Variants in TMEM47 observed in about 807,000 individuals in gnomAD.
TMEM47 encodes transmembrane protein 47.
Under a neutral mutation model 12.4 loss-of-function variants are expected in TMEM47, and 3 were observed. The observed-to-expected ratio is 0.24, with a 90% confidence interval of 0.11 to 0.63. The LOEUF (loss-of-function observed/expected upper bound fraction) is 0.63. TMEM47 is among the 20% of genes least tolerant of loss of function. TMEM47 has a pLI of 0.86. For missense variants in TMEM47, 89 were observed against 143.8 expected (o/e 0.62, Z 1.95); for synonymous variants, 62 against 63.3 (o/e 0.98, Z 0.10).
intron 1 of TMEM47, among the ~76,000 whole-genome samples, chrX:34,656,298 T>C (rs183306850): frequency 1.8e-5 from 2 of 110,523 alleles, no homozygotes; most frequent in Non-Finnish European, 3.8e-5. Flanking sequence ...AATACATTGG[T>C]GAAAACGCAG....
At chrX:34,644,328 G>T (rs1921871405) in intron 1 of TMEM47, among the ~76,000 whole-genome samples, 1 of 111,979 alleles carries the variant, frequency 8.9e-6, no homozygotes, top group African/African-American at 3.2e-5. Flanking sequence ...TTTTAGCATT[G>T]TAACATATGA....
chrX:34,630,202 C>T lies in TMEM47; in HGVS notation c.*111G>A, dbSNP rs1339684474. 1.2e-6 allele frequency: 1 copy of T among 812,213 alleles called. No homozygotes were observed. The highest frequency in any genetic ancestry group is 3.5e-5 in the Admixed American group (1 of 28,175). 66.9% of individuals were successfully genotyped at this position (812,213 alleles called of 1,213,427 possible). On this transcript the variant is annotated 3_prime_UTR_variant, in exon 3 of 3. Coordinates refer to ENST00000275954, the MANE Select transcript of TMEM47 (RefSeq NM_031442.4). Reference sequence around the variant, plus strand: ...GGCAAAAAAGATTAAATCAACTGAGCAAACTGCTTGATGCTCCACAAGTGT... The same window carrying T: ...GGCAAAAAAGATTAAATCAACTGAGTAAACTGCTTGATGCTCCACAAGTGT...
intron 2 of TMEM47, among the ~76,000 whole-genome samples, chrX:34,637,599 T>C (rs754535648): frequency 9.0e-5 from 10 of 111,387 alleles, no homozygotes; most frequent in Admixed American, 9.6e-5. Context: ...AAAAGAGAAA[T>C]TGCTTAAAAA....
chrX:34,644,174 C>A (rs1329791612), intron 1 of TMEM47, among the ~76,000 whole-genome samples: 2 of 111,734 alleles, frequency 1.8e-5, no homozygotes, highest in African/African-American at 6.5e-5. Context: ...ATCGGGCAGT[C>A]CCTATACTAC....
At position 34,652,268 on chromosome X, in the gene TMEM47, G is replaced by A. The variant is rs899712165; in HGVS notation, c.226+4536C>T. Among the ~76,000 whole-genome samples the A allele has an allele frequency of 6.3e-5, 7 of 111,989 alleles. No individual in the cohort carries two copies. The South Asian group carries it at 1.9e-3, about 30-fold the overall frequency. On this transcript the variant is annotated intron_variant, in intron 1 of 2. Coordinates refer to ENST00000275954, the MANE Select transcript of TMEM47 (RefSeq NM_031442.4). ...CTCAGAACCAGAAGTGGTTCAGAGA[G>A]CTCCCTGCTGTGGTATTTAGGTTAG... is the stretch of plus-strand genomic sequence containing the variant.
chrX:34,628,118 C>A lies in TMEM47; in HGVS notation c.*2195G>T, dbSNP rs2147135276. ...ATGTGATGATATTGGTTTAACAGTA[C>A]ACTGCATCCTCTACTAGGACCAAGA... On this transcript the variant is annotated 3_prime_UTR_variant, in exon 3 of 3. Coordinates refer to ENST00000275954, the MANE Select transcript of TMEM47 (RefSeq NM_031442.4). 8.9e-6 allele frequency: 1 copy of A among 111,806 alleles called. No individual in the cohort carries two copies. The highest frequency in any genetic ancestry group is 2.8e-4 in the East Asian group (1 of 3,536). The allele number at this position is 111,806 out of a possible 1,213,427, so 9.2% of individuals were successfully genotyped here. A position where few individuals can be genotyped will look rare whatever the true frequency, so the allele number is the denominator to read the frequency against.
At chrX:34,647,069 G>A (rs976401136) in intron 1 of TMEM47, among the ~76,000 whole-genome samples, 6 of 111,102 alleles carry the variant, frequency 5.4e-5, no homozygotes, top group East Asian at 2.8e-4. Context: ...CAATGACTAC[G>A]TTTCAATGAA....
chrX:34,631,641 G>C (rs1921628644), intron 2 of TMEM47, among the ~76,000 whole-genome samples: 1 of 111,710 alleles, frequency 9.0e-6, no homozygotes, highest in African/African-American at 3.3e-5. Flanking sequence ...TCCTACTTCT[G>C]TCAGGGCCAA....
rs186215242 is a variant in TMEM47, at chrX:34,630,322, G to A, written c.537C>T (p.Asp179=). 8.4e-5 allele frequency: 101 copies of A among 1,203,737 alleles called. No individual in the cohort carries two copies. In the East Asian group the frequency reaches 2.4e-3, roughly 29 times the overall value. ...TTTGAGACTATTGGTTCTAGTAGTAGTCTTCATAGTTCTTAGGGTTCAGGC... is the reference window on the plus strand; with the variant it reads ...TTTGAGACTATTGGTTCTAGTAGTAATCTTCATAGTTCTTAGGGTTCAGGC... ...LYCLNPKNYE[D]YY Residue 179 remains aspartate (D), a synonymous_variant, in exon 3 of 3, where the codon GAC becomes GAT. Coordinates refer to ENST00000275954, the MANE Select transcript of TMEM47 (RefSeq NM_031442.4).
chrX:34,644,143 C>T (rs1443885430), intron 1 of TMEM47, among the ~76,000 whole-genome samples: 1 of 111,368 alleles, frequency 9.0e-6, no homozygotes, highest in Non-Finnish European at 1.9e-5. Flanking sequence ...GTTATATTCC[C>T]CTTGCAGTTA....
intron 2 of TMEM47, among the ~76,000 whole-genome samples, chrX:34,632,830 T>C (rs1397661231): frequency 1.8e-5 from 2 of 112,114 alleles, no homozygotes; most frequent in African/African-American, 6.5e-5. Flanking sequence ...AAAAGCCCAG[T>C]TGGCTCTTTG....
intron 1 of TMEM47, among the ~76,000 whole-genome samples, chrX:34,641,429 G>C (rs1921816571): frequency 9.0e-6 from 1 of 111,578 alleles, no homozygotes; most frequent in Admixed American, 9.6e-5. Context: ...TTTTACATAA[G>C]TAAAAACTTT....
Position 34,629,851 on chromosome X carries a change from C to G in TMEM47, c.*462G>C, listed in dbSNP as rs1390698018. ...GCAGTTCATTTTTCAAGGGCTCACT[C>G]AAGCAAATAACCAACAGCCAATGTA... is the stretch of plus-strand genomic sequence containing the variant. On this transcript the variant is annotated 3_prime_UTR_variant, in exon 3 of 3. Coordinates refer to ENST00000275954, the MANE Select transcript of TMEM47 (RefSeq NM_031442.4). 8.9e-6 allele frequency: 1 copy of G among 112,516 alleles called. No homozygotes were observed. Among genetic ancestry groups the G allele is most frequent in the Non-Finnish European group, 1.9e-5 (1 of 53,673 alleles). 9.3% of individuals were successfully genotyped at this position (112,516 alleles called of 1,213,427 possible). A position where few individuals can be genotyped will look rare whatever the true frequency, so the allele number is the denominator to read the frequency against.
At chrX:34,633,286 T>G (rs1921657801) in intron 2 of TMEM47, among the ~76,000 whole-genome samples, 1 of 111,611 alleles carries the variant, frequency 9.0e-6, no homozygotes, top group Non-Finnish European at 1.9e-5. Context: ...CTCTTTTAGA[T>G]CAATCGTGAG....
chrX:34,651,609 T>C (rs1056971425), intron 1 of TMEM47, among the ~76,000 whole-genome samples: 1 of 112,109 alleles, frequency 8.9e-6, no homozygotes, highest in African/African-American at 3.2e-5. Context: ...TTCCCAGCAT[T>C]AGCAACTGGA....
At position 34,627,172 on chromosome X, in the gene TMEM47, C is replaced by G. The variant is rs1397015998; in HGVS notation, c.*3141G>C. 2.7e-5 allele frequency: 3 copies of G among 110,962 alleles called. No individual in the cohort carries two copies. The Admixed American group carries it at 2.9e-4, about 11-fold the overall frequency. 9.1% of individuals were successfully genotyped at this position (110,962 alleles called of 1,213,427 possible). On this transcript the variant is annotated 3_prime_UTR_variant, in exon 3 of 3. Coordinates refer to ENST00000275954, the MANE Select transcript of TMEM47 (RefSeq NM_031442.4). Reference sequence around the variant, plus strand: ...GAAGAACTGATTGTGAAACTGCAAACTCAAAATCACTGGAGTGATAAACAG... The same window carrying G: ...GAAGAACTGATTGTGAAACTGCAAAGTCAAAATCACTGGAGTGATAAACAG...
intron 1 of TMEM47, among the ~76,000 whole-genome samples, chrX:34,645,012 A>G (rs1921885533): frequency 8.9e-6 from 1 of 112,101 alleles, no homozygotes; most frequent in African/African-American, 3.2e-5. Context: ...TTATATACAA[A>G]TTCTTCCTAA....
At chrX:34,634,607 G>C (rs1025887495) in intron 2 of TMEM47, among the ~76,000 whole-genome samples, 1 of 111,919 alleles carries the variant, frequency 8.9e-6, no homozygotes, top group Non-Finnish European at 1.9e-5. Context: ...CAATAGTAGA[G>C]GCATGCATGT....
intron 1 of TMEM47, among the ~76,000 whole-genome samples, chrX:34,645,363 A>C (rs969181290): frequency 3.6e-5 from 4 of 112,274 alleles, no homozygotes; most frequent in Middle Eastern, 4.6e-3. Flanking sequence ...AATGTAACTA[A>C]AGAATTTATC....
Sources: gnomAD v4.1 joint callset for allele counts (sites outside exome capture counted in the v4.1 genomes callset) on GRCh38, gnomAD v4.1.1 for gene constraint, MANE v1.5 for transcripts, NCBI Gene and HGNC (gene_info 2026-07-23, HGNC 2026-07-21) for gene names.